The following BCL2L13 variants were observed in gnomAD, a reference collection of about 807,000 sequenced individuals.
BCL2L13 encodes the protein bcl-2-like protein 13.
In BCL2L13, 13 loss-of-function variants were observed where a neutral mutation model predicts 25.8. The ratio of observed to expected loss-of-function variants is 0.50; its 90% CI spans 0.33 to 0.80. BCL2L13 has a LOEUF of 0.80. Ranked by LOEUF, BCL2L13 falls within the 30% of genes least tolerant of loss-of-function variation. The pLI, the probability that BCL2L13 is intolerant of heterozygous loss-of-function variation, is 0.02. For missense variants in BCL2L13, 504 were observed against 574.9 expected (o/e 0.88, Z 1.26); for synonymous variants, 244 against 230.3 (o/e 1.06, Z -0.54).
intron 4 of BCL2L13, among the ~76,000 whole-genome samples, chr22:17,693,211 G>T (rs1212397336): frequency 6.6e-6 from 1 of 151,284 alleles, no homozygotes; most frequent in South Asian, 2.1e-4. Context: ...ATAAATATAT[G>T]AAATATTAAA....
At chr22:17,633,280 T>G (rs2058058557) in intron 1 of BCL2L13, among the ~76,000 whole-genome samples, 1 of 152,178 alleles carries the variant, frequency 6.6e-6, no homozygotes, top group African/African-American at 2.4e-5. Context: ...TTCTTCAGTT[T>G]TGCTGATTCA....
chr22:17,679,333 G>A (rs1205590727), intron 2 of BCL2L13, among the ~76,000 whole-genome samples: 1 of 135,968 alleles, frequency 7.4e-6, no homozygotes, highest in East Asian at 2.2e-4. Context: ...GCAATGGTGC[G>A]ATCTCTGCTC....
At chr22:17,636,357 G>C (rs1263441957), upstream of BCL2L13, among the ~76,000 whole-genome samples, 2 of 151,590 alleles carry the variant, frequency 1.3e-5, no homozygotes, top group African/African-American at 4.8e-5. Context: ...AGCTACATGT[G>C]GTGGCACAAG....
chr22:17,715,452 G>A (rs1231913383), intron 6 of BCL2L13, among the ~76,000 whole-genome samples: 2 of 151,124 alleles, frequency 1.3e-5, no homozygotes, highest in Non-Finnish European at 2.9e-5. Flanking sequence ...AAAGTGCTGG[G>A]ATTACAGGCG....
chr22:17,662,083 A>G (rs1260284133), intron 2 of BCL2L13, among the ~76,000 whole-genome samples: 1 of 152,204 alleles, frequency 6.6e-6, no homozygotes, highest in Non-Finnish European at 1.5e-5. Flanking sequence ...GATTTACACA[A>G]TGAATTTATA....
intron 3 of BCL2L13, among the ~76,000 whole-genome samples, chr22:17,685,022 A>T (rs1259486383): frequency 1.3e-5 from 2 of 152,098 alleles, no homozygotes; most frequent in East Asian, 1.9e-4. Flanking sequence ...GGCATGAGCC[A>T]CCACGCCCGG....
At position 17,657,665 on chromosome 22, in the gene BCL2L13, C is replaced by T. The variant is rs1016502281; in HGVS notation, c.121+1833C>T. Among the ~76,000 whole-genome samples, 3 of 151,892 alleles carry T rather than the reference C, an allele frequency of 2.0e-5. No individual in the cohort carries two copies. In the East Asian group the frequency reaches 5.8e-4, roughly 29 times the overall value. On this transcript the variant is annotated intron_variant, in intron 2 of 6. Transcript: ENST00000317582. ...TAGCTGGGACTAGAGGCACGTGCCA[C>T]CATGCCTGGCTAACTTTTTTTTTCG...
intron 1 of BCL2L13, chr22:17,629,114 C>T (rs2057949489): frequency 6.3e-6 from 1 of 157,562 alleles, no homozygotes; most frequent in Non-Finnish European, 1.4e-5. Flanking sequence ...GCCTGCAATC[C>T]GGAGACTTTG....
In BCL2L13 at chr22:17,706,825, G is replaced by GGTAA. The variant is rs753810175; in HGVS notation, c.600+4441_600+4444dup. ...GGAAAGGGCAGAGCAAGTCCACTGT[G>GGTAA]GTAAGGCTTGTATTTTACTTTCTCC... On this transcript the variant is annotated intron_variant, in intron 6 of 6. Coordinates refer to ENST00000317582, the MANE Select transcript of BCL2L13 (RefSeq NM_015367.4). The GGTAA allele has an allele frequency of 2.5e-5, 34 of 1,351,814 alleles. No homozygotes were observed. The Admixed American group carries it at 6.5e-4, about 26-fold the overall frequency. 83.7% of individuals were successfully genotyped at this position (1,351,814 alleles called of 1,614,324 possible).
At position 17,730,833 on chromosome 22, in the gene BCL2L13, C is replaced by T. The variant is rs994955029; in HGVS notation, c.*3299C>T. On this transcript the variant is annotated 3_prime_UTR_variant, in exon 7 of 7. Transcript: ENST00000317582. ...ATACCAGAATAATGTTTCCTCTTCT[C>T]TGGTGCACCAAAACCTGCCCTTAGT... 2.0e-5 allele frequency: 3 copies of T among 152,116 alleles called. No homozygotes were observed. The highest frequency in any genetic ancestry group is 4.4e-5 in the Non-Finnish European group (3 of 68,032). 9.4% of individuals were successfully genotyped at this position (152,116 alleles called of 1,614,324 possible).
chr22:17,687,311 A>G (rs1378921933), intron 3 of BCL2L13, among the ~76,000 whole-genome samples: 1 of 145,174 alleles, frequency 6.9e-6, no homozygotes, highest in Non-Finnish European at 1.5e-5. Flanking sequence ...CTTTTTCTGG[A>G]TTCAAGTTTT....
At chr22:17,705,542 C>G (rs1405193424) in intron 6 of BCL2L13, among the ~76,000 whole-genome samples, 2 of 151,898 alleles carry the variant, frequency 1.3e-5, no homozygotes, top group Non-Finnish European at 2.9e-5. Context: ...CGTGATCCAC[C>G]CGCCTCAGCC....
intron 1 of BCL2L13, among the ~76,000 whole-genome samples, chr22:17,653,205 C>G (rs2058744604): frequency 6.6e-6 from 1 of 151,964 alleles, no homozygotes. Context: ...GTCTGTATAC[C>G]CTAAAGTGAT....
intron 2 of BCL2L13, among the ~76,000 whole-genome samples, chr22:17,674,229 C>T (rs2059505659): frequency 6.6e-6 from 1 of 152,082 alleles, no homozygotes; most frequent in Admixed American, 6.6e-5. Context: ...CAAGGATAGA[C>T]AGAATTTGAA....
chr22:17,693,331 T>A, intron 4 of BCL2L13, among the ~76,000 whole-genome samples: 1 of 143,010 alleles, frequency 7.0e-6, no homozygotes, highest in African/African-American at 2.7e-5. Context: ...GCCTTTGGGG[T>A]AGTTTATTTA....
chr22:17,647,792 CAG>C (rs375168686), intron 1 of BCL2L13, among the ~76,000 whole-genome samples: 6 of 152,218 alleles, frequency 3.9e-5, no homozygotes, highest in Middle Eastern at 3.4e-3. Context: ...GCTTTAGAAA[CAG>C]ATGTCACGAA....
In BCL2L13 at chr22:17,727,647, G is replaced by A; in HGVS notation, c.*113G>A. The A allele has an allele frequency of 2.1e-6, 3 of 1,439,318 alleles. No individual in the cohort carries two copies. Among genetic ancestry groups the A allele is most frequent in the Non-Finnish European group, 2.8e-6 (3 of 1,065,902 alleles). 89.2% of individuals were successfully genotyped at this position (1,439,318 alleles called of 1,614,324 possible). ...TGTGGAACACTCTGGGATAATTGGG[G>A]ACTTCTGCTCAACATGGCAGTGGCA... On this transcript the variant is annotated 3_prime_UTR_variant, in exon 7 of 7. Transcript: ENST00000317582.
chr22:17,644,334 C>CTTT (rs34881981), intron 1 of BCL2L13, among the ~76,000 whole-genome samples: 2 of 139,406 alleles, frequency 1.4e-5, no homozygotes, highest in Admixed American at 7.2e-5. Flanking sequence ...TTTAATAATT[C>CTTT]TTTTTTTTTT....
At chr22:17,685,206 C>T (rs982471623) in intron 3 of BCL2L13, among the ~76,000 whole-genome samples, 1 of 151,546 alleles carries the variant, frequency 6.6e-6, no homozygotes, top group East Asian at 2.0e-4. Flanking sequence ...GCATTTTTTA[C>T]TTAGCATAAT....
Sources: allele counts gnomAD v4.1 joint callset (sites outside exome capture counted in the v4.1 genomes callset), GRCh38; gene constraint gnomAD v4.1.1; transcripts MANE v1.5; gene names NCBI Gene and HGNC (gene_info 2026-07-23, HGNC 2026-07-21).